The following TCERG1L variants were observed in gnomAD, a reference collection of about 807,000 sequenced individuals.
The protein encoded by TCERG1L is transcription elongation regulator 1 like.
TCERG1L carries 37 observed loss-of-function variants against 56.3 expected under a neutral mutation model. The ratio of observed to expected loss-of-function variants is 0.66; its 90% CI spans 0.51 to 0.87. The LOEUF (loss-of-function observed/expected upper bound fraction) is 0.87. Among genes scored for constraint, TCERG1L ranks in the 40% least tolerant of loss-of-function variants. The pLI is 0.00. For missense variants in TCERG1L, 799 were observed against 774.2 expected, an observed-to-expected ratio of 1.03 and a Z score of -0.38; for synonymous variants, 324 against 326.3, an observed-to-expected ratio of 0.99 and a Z score of 0.08.
intron 4 of TCERG1L, among the ~76,000 whole-genome samples, chr10:131,251,075 G>A (rs529092377): frequency 6.6e-5 from 10 of 151,812 alleles, no homozygotes; most frequent in East Asian, 3.9e-4. Context: ...CCGTGGGTCC[G>A]TCTCAGGGAA....
At chr10:131,214,735 G>A (rs1477897338) in intron 4 of TCERG1L, among the ~76,000 whole-genome samples, 1 of 152,200 alleles carries the variant, frequency 6.6e-6, no homozygotes, top group East Asian at 1.9e-4. Context: ...GTGGGAACAG[G>A]CCCCTGGAAG....
intron 4 of TCERG1L, among the ~76,000 whole-genome samples, chr10:131,201,594 CAA>C (rs1205190164): frequency 1.3e-5 from 2 of 152,182 alleles, no homozygotes; most frequent in Non-Finnish European, 2.9e-5. Context: ...TAAATGGCTG[CAA>C]ATAAAAAAAT....
intron 10 of TCERG1L, among the ~76,000 whole-genome samples, chr10:131,102,418 A>G (rs1270555408): frequency 6.6e-6 from 1 of 152,194 alleles, no homozygotes; most frequent in Non-Finnish European, 1.5e-5. Flanking sequence ...ACGCGGGTCC[A>G]TGTGACTGAG....
intron 1 of TCERG1L, among the ~76,000 whole-genome samples, chr10:131,310,426 CAAGAT>C (rs903064897): frequency 7.9e-5 from 12 of 152,268 alleles, no homozygotes; most frequent in South Asian, 2.1e-4. Flanking sequence ...GAAAAGCTCA[CAAGAT>C]AATATTGGAA....
intron 11 of TCERG1L, among the ~76,000 whole-genome samples, chr10:131,094,241 T>G (rs1845217554): frequency 6.6e-6 from 1 of 152,230 alleles, no homozygotes; most frequent in East Asian, 1.9e-4. Flanking sequence ...CCTATGCAGA[T>G]GCACTCGCTT....
Position 131,129,912 on chromosome 10 carries a change from G to C in TCERG1L, c.1259+4467C>G, listed in dbSNP as rs575738855. Among the ~76,000 whole-genome samples, 3 of 152,036 alleles carry C rather than the reference G, an allele frequency of 2.0e-5. 1 individual carries two copies. The South Asian group carries it at 6.2e-4, about 32-fold the overall frequency. ...ATGGTGGCAGGAGACAGAGTGGATG[G>C]GGGAGACTTCCACGAACTTTTAAAC... On this transcript the variant is annotated intron_variant, in intron 8 of 11. Coordinates refer to ENST00000368642, the MANE Select transcript of TCERG1L (RefSeq NM_174937.4).
intron 4 of TCERG1L, among the ~76,000 whole-genome samples, chr10:131,188,531 C>T (rs973618730): frequency 2.0e-5 from 3 of 152,134 alleles, no homozygotes; most frequent in Admixed American, 6.5e-5. Flanking sequence ...AGAAAGAAAT[C>T]CTAATTTATA....
Position 131,163,223 on chromosome 10 carries a change from A to G in TCERG1L, c.946-13T>C. Reference sequence around the variant, plus strand: ...TCGGTGGAGGCTCCTTTCAACAGAAAGAGACAGGGGAGTGGCTTTTAATTT... The same window carrying G: ...TCGGTGGAGGCTCCTTTCAACAGAAGGAGACAGGGGAGTGGCTTTTAATTT... On this transcript the variant is annotated splice_polypyrimidine_tract_variant and intron_variant, in intron 5 of 11. Transcript: ENST00000368642. The G allele has an allele frequency of 6.6e-7, 1 of 1,518,758 alleles. No homozygotes were observed. The highest frequency in any genetic ancestry group is 8.8e-7 in the Non-Finnish European group (1 of 1,135,762). 94.1% of individuals were successfully genotyped at this position (1,518,758 alleles called of 1,614,324 possible). A position where few individuals can be genotyped will look rare whatever the true frequency, so the allele number is the denominator to read the frequency against.
In TCERG1L at chr10:131,209,436, T is replaced by A. The variant is rs948034038; in HGVS notation, c.857-42551A>T. Among the ~76,000 whole-genome samples the A allele has an allele frequency of 6.0e-5, 9 of 149,146 alleles. No homozygotes were observed. In the South Asian group the frequency reaches 2.1e-3, roughly 34 times the overall value. On this transcript the variant is annotated intron_variant, in intron 4 of 11. Coordinates refer to ENST00000368642, the MANE Select transcript of TCERG1L (RefSeq NM_174937.4). ...GATACCTGTATACTGTAATTATGAT[T>A]TAAAAATAGGAGTTTTATTTTAAAA...
At chr10:131,203,978 A>G (rs1395082901) in intron 4 of TCERG1L, among the ~76,000 whole-genome samples, 1 of 152,232 alleles carries the variant, frequency 6.6e-6, no homozygotes, top group East Asian at 1.9e-4. Context: ...CTAAGCCCCA[A>G]TAGGACGATA....
At chr10:131,257,157 G>A (rs770362923) in intron 4 of TCERG1L, among the ~76,000 whole-genome samples, 1 of 152,182 alleles carries the variant, frequency 6.6e-6, no homozygotes, top group African/African-American at 2.4e-5. Context: ...CTGGAGTCAG[G>A]GGAATTGCTG....
chr10:131,204,071 G>A (rs1399338448), intron 4 of TCERG1L, among the ~76,000 whole-genome samples: 4 of 152,200 alleles, frequency 2.6e-5, no homozygotes, highest in South Asian at 4.1e-4. Flanking sequence ...TGGAAGGCCC[G>A]AAGGGAACCA....
At chr10:131,199,357 A>G (rs1845402390) in intron 4 of TCERG1L, among the ~76,000 whole-genome samples, 1 of 151,984 alleles carries the variant, frequency 6.6e-6, no homozygotes, top group Admixed American at 6.6e-5. Flanking sequence ...CCCTCTTTTC[A>G]CATTTTACTA....
chr10:131,285,411 GAA>G (rs1491559735), intron 3 of TCERG1L, among the ~76,000 whole-genome samples: 2 of 98,444 alleles, frequency 2.0e-5, no homozygotes, highest in African/African-American at 6.8e-5. Flanking sequence ...AGGAAGGAAG[GAA>G]AGAGAGAGAG....
At chr10:131,189,795 A>G (rs372234894) in intron 4 of TCERG1L, among the ~76,000 whole-genome samples, 184 of 152,312 alleles carry the variant, frequency 1.2e-3, no homozygotes, top group African/African-American at 4.4e-3. Flanking sequence ...CATTCCCACC[A>G]ACAGCATACA....
intron 4 of TCERG1L, among the ~76,000 whole-genome samples, chr10:131,240,619 G>C (rs1021921575): frequency 2.6e-5 from 4 of 152,136 alleles, no homozygotes; most frequent in Admixed American, 1.3e-4. Context: ...ACCCGCACAG[G>C]GTTTACAGTC....
chr10:131,102,724 C>T (rs1431199541), intron 10 of TCERG1L, among the ~76,000 whole-genome samples: 2 of 152,080 alleles, frequency 1.3e-5, no homozygotes, highest in African/African-American at 2.4e-5. Context: ...AAGACGTGAC[C>T]GCACACATGG....
chr10:131,273,676 C>T (rs548821094), intron 3 of TCERG1L, among the ~76,000 whole-genome samples: 3 of 152,210 alleles, frequency 2.0e-5, no homozygotes, highest in South Asian at 4.1e-4. Flanking sequence ...CCAGAGGAGA[C>T]GCTGCCCACA....
intron 6 of TCERG1L, among the ~76,000 whole-genome samples, chr10:131,153,651 G>A (rs1261240912): frequency 6.6e-6 from 1 of 152,204 alleles, no homozygotes. Context: ...CAGTGCCTCA[G>A]GATGCACTGA....
Sources: allele counts gnomAD v4.1 joint callset (sites outside exome capture counted in the v4.1 genomes callset), GRCh38; gene constraint gnomAD v4.1.1; transcripts MANE v1.5; gene names NCBI Gene and HGNC (gene_info 2026-07-23, HGNC 2026-07-21).